Variants in RIMKLB observed in about 807,000 individuals in gnomAD.
The protein encoded by RIMKLB is beta-citrylglutamate synthase B.
Under a neutral mutation model 32.0 loss-of-function variants are expected in RIMKLB, and 7 were observed. The observed-to-expected ratio is 0.22, with a 90% CI of 0.12 to 0.41. The LOEUF is 0.41. RIMKLB is among the 10% of genes least tolerant of loss of function. The pLI, the probability that RIMKLB is intolerant of heterozygous loss-of-function variation, is 1.00. For missense variants in RIMKLB, 289 were observed against 498.7 expected (o/e 0.58, Z 4.00); for synonymous variants, 172 against 185.1 (o/e 0.93, Z 0.57).
At chr12:8,728,911 C>A (rs12099874) in intron 2 of RIMKLB, among the ~76,000 whole-genome samples, 1 of 152,016 alleles carries the variant, frequency 6.6e-6, no homozygotes, top group Non-Finnish European at 1.5e-5. Flanking sequence ...TCTCCCTGAC[C>A]GCTTTGTGGG....
chr12:8,757,151 T>G (rs1949109915), intron 5 of RIMKLB, among the ~76,000 whole-genome samples: 1 of 151,900 alleles, frequency 6.6e-6, no homozygotes, highest in Admixed American at 6.5e-5. Context: ...TAATTAATAG[T>G]TACTCTTCAT....
rs1213499853 is a variant in RIMKLB at position 8,732,756 on chromosome 12, T to TATAC, written c.176-17105_176-17104insTACA. ...CATGCAACAGAAAATTATATATATATACACACACACACACACACACACACA... is the reference window on the plus strand; with the variant it reads ...CATGCAACAGAAAATTATATATATATATACACACACACACACACACACACACACA... On this transcript the variant is annotated intron_variant, in intron 2 of 5. Transcript: ENST00000535829. Among the ~76,000 whole-genome samples the TATAC allele has an allele frequency of 2.4e-3, 358 of 150,138 alleles. 1 individual carries two copies. Among genetic ancestry groups the TATAC allele is most frequent in the African/African-American group, 6.2e-3 (250 of 40,312 alleles).
rs1312722622 is a variant in RIMKLB at position 8,752,054 on chromosome 12, G to C, written c.493+11G>C. 5 of 1,540,248 alleles carry C rather than the reference G, an allele frequency of 3.2e-6. No homozygotes were observed. Among genetic ancestry groups the C allele is most frequent in the Non-Finnish European group, 4.5e-6 (5 of 1,113,742 alleles). Reference sequence around the variant, plus strand: ...CGCGGGGTCACAGAGGTATGTATGAGTTGTTGGTAAGGTATATAGTTTTGA... The same window carrying C: ...CGCGGGGTCACAGAGGTATGTATGACTTGTTGGTAAGGTATATAGTTTTGA... On this transcript the variant is annotated intron_variant, in intron 4 of 5. Coordinates refer to ENST00000535829, the MANE Select transcript of RIMKLB (RefSeq NM_001297776.2).
intron 1 of RIMKLB, among the ~76,000 whole-genome samples, chr12:8,701,398 G>T (rs1943383023): frequency 1.3e-5 from 2 of 151,778 alleles, no homozygotes; most frequent in Admixed American, 1.3e-4. Context: ...TAATGCCATG[G>T]TGTTATTTTT....
intron 1 of RIMKLB, among the ~76,000 whole-genome samples, chr12:8,706,094 G>GA (rs1319297292): frequency 2.6e-5 from 4 of 152,102 alleles, no homozygotes; most frequent in African/African-American, 9.7e-5. Context: ...TCACAATGGG[G>GA]AATATAGGTG....
At chr12:8,732,745 T>TTA (rs202128295) in intron 2 of RIMKLB, among the ~76,000 whole-genome samples, 4,926 of 150,426 alleles carry the variant, frequency 0.033, 122 homozygotes, top group East Asian at 0.071. Flanking sequence ...CAACAGAAAA[T>TTA]TATATATATA....
chr12:8,684,256 C>T (rs1471647885), intron 1 of RIMKLB, among the ~76,000 whole-genome samples: 2 of 151,892 alleles, frequency 1.3e-5, no homozygotes, highest in Non-Finnish European at 2.9e-5. Context: ...TCACTGCAAC[C>T]TCTGCCTCCC....
At chr12:8,702,606 C>A (rs762016190) in intron 1 of RIMKLB, among the ~76,000 whole-genome samples, 2 of 152,284 alleles carry the variant, frequency 1.3e-5, no homozygotes, top group Non-Finnish European at 2.9e-5. Flanking sequence ...TTTCTTACTA[C>A]TGTGCTTTCC....
intron 1 of RIMKLB, among the ~76,000 whole-genome samples, chr12:8,702,053 T>C (rs1213452895): frequency 6.6e-6 from 1 of 152,094 alleles, no homozygotes; most frequent in Non-Finnish European, 1.5e-5. Flanking sequence ...ATTTGCCTGG[T>C]ATTTAATATT....
chr12:8,751,054 A>G (rs1353683470), intron 3 of RIMKLB, among the ~76,000 whole-genome samples: 1 of 152,126 alleles, frequency 6.6e-6, no homozygotes, highest in Non-Finnish European at 1.5e-5. Flanking sequence ...GTGTGGACGC[A>G]GTTTCTGTTT....
intron 4 of RIMKLB, among the ~76,000 whole-genome samples, chr12:8,753,302 T>C (rs548227329): frequency 6.6e-6 from 1 of 152,162 alleles, no homozygotes; most frequent in Non-Finnish European, 1.5e-5. Flanking sequence ...TTCTCTTGTT[T>C]GGAGCAATCA....
At chr12:8,711,839 A>C (rs944535627) in intron 1 of RIMKLB, among the ~76,000 whole-genome samples, 2 of 152,144 alleles carry the variant, frequency 1.3e-5, no homozygotes, top group East Asian at 3.9e-4. Flanking sequence ...TCTAATGAGC[A>C]TAGTATGTCT....
chr12:8,756,894 G>A (rs964535146), intron 5 of RIMKLB, among the ~76,000 whole-genome samples: 1 of 151,942 alleles, frequency 6.6e-6, no homozygotes, highest in Admixed American at 6.6e-5. Flanking sequence ...GTTTCACCAT[G>A]TTGACCAGGC....
chr12:8,712,890 T>G (rs1426239862), intron 1 of RIMKLB, among the ~76,000 whole-genome samples: 1 of 152,216 alleles, frequency 6.6e-6, no homozygotes, highest in Admixed American at 6.5e-5. Context: ...GAATAATACT[T>G]GAATGATACT....
chr12:8,740,353 T>A (rs1440451248), intron 2 of RIMKLB, among the ~76,000 whole-genome samples: 1 of 152,234 alleles, frequency 6.6e-6, no homozygotes, highest in East Asian at 1.9e-4. Context: ...TACAGTGTTT[T>A]TTATTTCAGT....
chr12:8,677,740 C>G (rs2136510565), upstream of RIMKLB, among the ~76,000 whole-genome samples: 1 of 151,048 alleles, frequency 6.6e-6, no homozygotes, highest in Admixed American at 6.6e-5. Context: ...CACCCCAGAA[C>G]CTTTGCCCTT....
rs1950551687 is a variant in RIMKLB, at chr12:8,773,365, C to T, written c.742C>T (p.Leu248=). The T allele has an allele frequency of 6.2e-7, 1 of 1,614,082 alleles. No individual in the cohort carries two copies. The highest frequency in any genetic ancestry group is 2.2e-5 in the East Asian group (1 of 44,886). The change falls in exon 6 of 6, where the codon CTA becomes TTA. Residue 248 remains leucine (L), a synonymous_variant. Transcript: ENST00000535829. ...MCSLSEQGKQ[L]AIQVSNILGM... The stretch of plus-strand genomic sequence containing the variant: ...CTCATTGAGTGAACAAGGGAAGCAG[C>T]TAGCTATCCAGGTGTCTAATATCCT...
At chr12:8,680,766 G>C (rs1942394490), upstream of RIMKLB, among the ~76,000 whole-genome samples, 1 of 152,154 alleles carries the variant, frequency 6.6e-6, no homozygotes, top group Non-Finnish European at 1.5e-5. Flanking sequence ...CGTCGCTAGA[G>C]ATCTTCCTGA....
intron 1 of RIMKLB, among the ~76,000 whole-genome samples, chr12:8,701,898 G>C (rs1050608144): frequency 3.5e-5 from 5 of 141,484 alleles, no homozygotes; most frequent in East Asian, 1.9e-4. Context: ...TCAGCTACTC[G>C]GGGGGGCTGA....
Sources: allele counts gnomAD v4.1 joint callset (sites outside exome capture counted in the v4.1 genomes callset), GRCh38; gene constraint gnomAD v4.1.1; transcripts MANE v1.5; gene names NCBI Gene and HGNC (gene_info 2026-07-23, HGNC 2026-07-21).